The following KLF17 variants were observed in gnomAD, a reference collection of about 807,000 sequenced individuals.
KLF17 encodes the protein Krueppel-like factor 17.
Under a neutral mutation model 34.2 loss-of-function variants are expected in KLF17, and 31 were observed. The observed-to-expected ratio is 0.91, with a 90% CI of 0.68 to 1.22. The LOEUF (loss-of-function observed/expected upper bound fraction) is 1.22, where lower values mean the gene tolerates loss of function less well. Ranked by LOEUF, KLF17 falls within the 50% of genes most tolerant of loss-of-function variation. The probability of loss-of-function intolerance (pLI) is 0.00; values close to 1 mark genes in which losing one functional copy is unlikely to be tolerated. For synonymous variants in KLF17, 179 were observed against 186.7 expected (o/e 0.96, Z 0.34); for missense variants, 478 against 505.2 (o/e 0.95, Z 0.52).
chr1:44,112,351 G>A, the KLF17 span, among the ~76,000 whole-genome samples: 4 of 151,916 alleles, frequency 2.6e-5, no homozygotes, highest in African/African-American at 9.7e-5. Context: ...TCCAGGTTCA[G>A]GACTGGTTAC....
At chr1:44,079,361 C>T in the KLF17 span, among the ~76,000 whole-genome samples, 3 of 147,676 alleles carry the variant, frequency 2.0e-5, no homozygotes, top group South Asian at 2.1e-4. Context: ...AGTGTGTTGG[C>T]GCAAATCACA....
chr1:44,127,712 CT>C (rs71587042), intron 1 of KLF17, among the ~76,000 whole-genome samples: 3 of 74,002 alleles, frequency 4.1e-5, no homozygotes, highest in African/African-American at 2.0e-4. Flanking sequence ...TTCTTTCTTT[CT>C]TCTCTTTTCT....
intron 3 of KLF17, among the ~76,000 whole-genome samples, chr1:44,132,982 G>A (rs1423656517): frequency 4.6e-5 from 7 of 152,198 alleles, no homozygotes; most frequent in Admixed American, 2.0e-4. Context: ...GGTCTCTTCC[G>A]TAAGAAGATG....
At chr1:44,122,419 C>T in intron 1 of KLF17, 1 of 1,509,780 alleles carries the variant, frequency 6.6e-7, no homozygotes, top group Non-Finnish European at 9.2e-7. Flanking sequence ...CTGACATCCA[C>T]ACCTGTGACT....
chr1:44,052,903 ATTT>A, the KLF17 span, among the ~76,000 whole-genome samples: 1 of 140,782 alleles, frequency 7.1e-6, no homozygotes, highest in Non-Finnish European at 1.6e-5. Context: ...CCTAGGCAGG[ATTT>A]TTTTTTTTTT....
the KLF17 span, among the ~76,000 whole-genome samples, chr1:44,082,939 CTTT>C: frequency 0.033 from 4,325 of 129,554 alleles, 64 homozygotes; most frequent in Middle Eastern, 0.043. Context: ...TGTCTTTAAA[CTTT>C]TTTTTTTTTT....
At chr1:44,079,068 C>CAATTAA in the KLF17 span, among the ~76,000 whole-genome samples, 2,821 of 152,226 alleles carry the variant, frequency 0.019, 75 homozygotes, top group African/African-American at 0.064. Flanking sequence ...TTTTCTTTAA[C>CAATTAA]AGTATGTTGA....
At chr1:44,091,980 C>A in the KLF17 span, among the ~76,000 whole-genome samples, 1 of 147,660 alleles carries the variant, frequency 6.8e-6, no homozygotes, top group Non-Finnish European at 1.5e-5. Flanking sequence ...CTCTCTCTCT[C>A]TCTCTCTCTC....
chr1:44,055,049 G>C, the KLF17 span, among the ~76,000 whole-genome samples: 1 of 152,290 alleles, frequency 6.6e-6, no homozygotes, highest in African/African-American at 2.4e-5. Flanking sequence ...AAAGTGCTGG[G>C]ATTACAGGTA....
the KLF17 span, among the ~76,000 whole-genome samples, chr1:44,098,419 T>C: frequency 6.6e-6 from 1 of 151,910 alleles, no homozygotes; most frequent in Non-Finnish European, 1.5e-5. Context: ...TTTTGTTTTG[T>C]AGGTCTTTTG....
intron 1 of KLF17, among the ~76,000 whole-genome samples, chr1:44,127,634 C>CTTTTCTTTTCT (rs11401670): frequency 4.9e-5 from 2 of 40,994 alleles, no homozygotes; most frequent in African/African-American, 1.4e-4. Flanking sequence ...CTTTTCTTTT[C>CTTTTCTTTTCT]TTTCCTTCTT....
the KLF17 span, chr1:44,103,163 A>T: frequency 1.8e-6 from 1 of 552,128 alleles, no homozygotes. Flanking sequence ...CCCAAGCAGT[A>T]AACTCCTCCG....
the KLF17 span, among the ~76,000 whole-genome samples, chr1:44,057,176 G>A: frequency 6.6e-6 from 1 of 152,048 alleles, no homozygotes; most frequent in African/African-American, 2.4e-5. Flanking sequence ...AGATCATTGA[G>A]ACAAAAGCTT....
chr1:44,127,651 T>A (rs866605199), intron 1 of KLF17, among the ~76,000 whole-genome samples: 4 of 56,466 alleles, frequency 7.1e-5, no homozygotes, highest in African/African-American at 2.9e-4. Context: ...TCTTTCTTTC[T>A]TTCTTTCTTT....
intron 1 of KLF17, among the ~76,000 whole-genome samples, chr1:44,126,018 T>C (rs1440019380): frequency 6.9e-6 from 1 of 144,408 alleles, no homozygotes; most frequent in African/African-American, 2.9e-5. Flanking sequence ...TTTTTTGTTT[T>C]GTTTTGTTTT....
At chr1:44,081,089 A>G in the KLF17 span, among the ~76,000 whole-genome samples, 1 of 151,862 alleles carries the variant, frequency 6.6e-6, no homozygotes, top group African/African-American at 2.4e-5. Flanking sequence ...AATCTACTGC[A>G]TGAGGAAGTA....
the KLF17 span, among the ~76,000 whole-genome samples, chr1:44,067,932 C>A: frequency 6.6e-6 from 1 of 152,142 alleles, no homozygotes; most frequent in African/African-American, 2.4e-5. Flanking sequence ...ACCCTGGAAG[C>A]ACAAGCCTGG....
the KLF17 span, among the ~76,000 whole-genome samples, chr1:44,102,755 G>A: frequency 1.2e-4 from 18 of 152,146 alleles, no homozygotes; most frequent in Non-Finnish European, 2.4e-4. Context: ...TCTGGCGCAG[G>A]ATGTTGATAG....
At chr1:44,102,565 T>TACACACAC in the KLF17 span, among the ~76,000 whole-genome samples, 195 of 89,282 alleles carry the variant, frequency 2.2e-3, 3 homozygotes, top group East Asian at 0.014. Flanking sequence ...CACATACACA[T>TACACACAC]ACACACACAC....
Sources: allele counts gnomAD v4.1 joint callset (sites outside exome capture counted in the v4.1 genomes callset), GRCh38; gene constraint gnomAD v4.1.1; transcripts MANE v1.5; gene names NCBI Gene and HGNC (gene_info 2026-07-23, HGNC 2026-07-21).